Variants in MED13L observed in about 807,000 individuals in gnomAD.
MED13L encodes mediator of RNA polymerase II transcription subunit 13-like.
MED13L carries 7 observed loss-of-function variants against 220.9 expected under a neutral mutation model. The ratio of observed to expected loss-of-function variants is 0.03; its 90% CI spans 0.02 to 0.06. MED13L has a LOEUF of 0.06. Ranked by LOEUF, MED13L falls within the 10% of genes least tolerant of loss-of-function variation. The pLI is 1.00. For synonymous variants in MED13L, 1,011 were observed against 1,015.2 expected (o/e 1.00, Z 0.08); for missense variants, 1,965 against 2,760.5 (o/e 0.71, Z 6.46).
intron 2 of MED13L, among the ~76,000 whole-genome samples, chr12:116,126,028 C>T (rs1875559370): frequency 6.6e-6 from 1 of 152,086 alleles, no homozygotes; most frequent in South Asian, 2.1e-4. Context: ...TATTGGAAAG[C>T]AATAAAAGTT....
intron 4 of MED13L, among the ~76,000 whole-genome samples, chr12:116,036,547 A>G (rs1023163419): frequency 4.6e-5 from 7 of 152,226 alleles, no homozygotes; most frequent in Non-Finnish European, 1.0e-4. Flanking sequence ...GAATATTAAT[A>G]CACTCCTTTT....
intron 4 of MED13L, among the ~76,000 whole-genome samples, chr12:116,051,478 T>C (rs968772123): frequency 6.6e-6 from 1 of 152,246 alleles, no homozygotes; most frequent in African/African-American, 2.4e-5. Flanking sequence ...AAATGTTGGC[T>C]ACAGATCATA....
chr12:116,126,119 A>T (rs1875564645), intron 2 of MED13L, among the ~76,000 whole-genome samples: 1 of 152,220 alleles, frequency 6.6e-6, no homozygotes, highest in East Asian at 1.9e-4. Context: ...CCAACTCATA[A>T]GCAAAAAATT....
At chr12:116,036,489 G>A (rs934287624) in intron 4 of MED13L, among the ~76,000 whole-genome samples, 1 of 152,072 alleles carries the variant, frequency 6.6e-6, no homozygotes, top group Non-Finnish European at 1.5e-5. Flanking sequence ...TACTTCTCAC[G>A]TTGAGTTTTA....
intron 2 of MED13L, among the ~76,000 whole-genome samples, chr12:116,196,653 C>A (rs1881644092): frequency 6.6e-6 from 1 of 152,144 alleles, no homozygotes; most frequent in Admixed American, 6.5e-5. Flanking sequence ...TCAGAAGTAT[C>A]TTTTAACCTT....
At chr12:116,018,869 G>A (rs183271081) in intron 7 of MED13L, among the ~76,000 whole-genome samples, 1 of 146,232 alleles carries the variant, frequency 6.8e-6, no homozygotes, top group Admixed American at 6.9e-5. Flanking sequence ...GCTACTCTCT[G>A]ATTTAGTATT....
intron 2 of MED13L, among the ~76,000 whole-genome samples, chr12:116,119,892 A>G (rs1299192889): frequency 5.5e-5 from 8 of 144,722 alleles, no homozygotes; most frequent in Non-Finnish European, 1.1e-4. Context: ...ATAACTAAGA[A>G]GTCTTAAGAA....
Position 116,207,178 on chromosome 12 carries a change from T to C in MED13L, c.310+30290A>G, listed in dbSNP as rs1418510740. The stretch of plus-strand genomic sequence containing the variant: ...CACCTTTTTTTTTTTTGGTAAGATT[T>C]TTTACAGAGATGGGGTCTCCCCATG... On this transcript the variant is annotated intron_variant, in intron 2 of 30. Coordinates refer to ENST00000281928, the MANE Select transcript of MED13L (RefSeq NM_015335.5). Among the ~76,000 whole-genome samples the C allele has an allele frequency of 3.3e-5, 5 of 152,108 alleles. No individual in the cohort carries two copies. The East Asian group carries it at 9.7e-4, about 29-fold the overall frequency.
intron 4 of MED13L, among the ~76,000 whole-genome samples, chr12:116,088,356 A>G (rs1381031020): frequency 2.6e-5 from 4 of 152,214 alleles, no homozygotes; most frequent in African/African-American, 9.7e-5. Context: ...TCTCTGGCCA[A>G]TTCCTACACT....
rs186206823 is a variant in MED13L at position 116,250,279 on chromosome 12, A to C, written c.73-12574T>G. On this transcript the variant is annotated intron_variant, in intron 1 of 30. Coordinates refer to ENST00000281928, the MANE Select transcript of MED13L (RefSeq NM_015335.5). ...AGATCAAAGACGAATAGCCCTCAAA[A>C]ATTAAGGTAAAATACAGACTTATTT... Among the ~76,000 whole-genome samples the C allele has an allele frequency of 1.7e-4, 25 of 146,398 alleles. No homozygotes were observed. In the East Asian group the frequency reaches 4.9e-3, roughly 29 times the overall value.
chr12:116,048,345 T>C (rs1029865963), intron 4 of MED13L, among the ~76,000 whole-genome samples: 15 of 151,706 alleles, frequency 9.9e-5, no homozygotes, highest in African/African-American at 3.4e-4. Flanking sequence ...CTTAAAACTG[T>C]GGAAAAAAGA....
chr12:116,068,985 G>C (rs917969449), intron 4 of MED13L, among the ~76,000 whole-genome samples: 15 of 152,126 alleles, frequency 9.9e-5, no homozygotes, highest in African/African-American at 3.6e-4. Context: ...TCATTACCGA[G>C]TGCCATGAGA....
intron 1 of MED13L, among the ~76,000 whole-genome samples, chr12:116,271,216 T>A (rs555085649): frequency 4.7e-4 from 71 of 152,094 alleles, no homozygotes; most frequent in African/African-American, 1.7e-3. Flanking sequence ...TGTGTGTGTG[T>A]GTGTGAGTGT....
chr12:116,242,349 T>C (rs1870738584), intron 1 of MED13L, among the ~76,000 whole-genome samples: 1 of 152,160 alleles, frequency 6.6e-6, no homozygotes, highest in Non-Finnish European at 1.5e-5. Context: ...CCAGCCATAC[T>C]GTCTCAATTT....
chr12:115,996,921 G>A, intron 15 of MED13L, 89 bp downstream of exon 15: 1 of 1,346,794 alleles, frequency 7.4e-7, no homozygotes, highest in Non-Finnish European at 1.1e-6. Context: ...TGTATATATG[G>A]CACACAGACA....
chr12:116,218,503 C>T (rs968507693), intron 2 of MED13L, among the ~76,000 whole-genome samples: 4 of 152,142 alleles, frequency 2.6e-5, no homozygotes, highest in Non-Finnish European at 4.4e-5. Flanking sequence ...CAGTTCAGTA[C>T]TCTATGTACT....
At chr12:116,244,538 A>G (rs1428635846) in intron 1 of MED13L, among the ~76,000 whole-genome samples, 1 of 152,246 alleles carries the variant, frequency 6.6e-6, no homozygotes, top group Non-Finnish European at 1.5e-5. Flanking sequence ...ATGAAGAAAG[A>G]GATACAACCC....
intron 2 of MED13L, among the ~76,000 whole-genome samples, chr12:116,136,267 G>C (rs1876543442): frequency 2.0e-5 from 3 of 152,116 alleles, no homozygotes; most frequent in Admixed American, 2.0e-4. Flanking sequence ...TAAGTGCTAT[G>C]GTCCCTTCAT....
intron 4 of MED13L, among the ~76,000 whole-genome samples, chr12:116,085,820 T>C (rs1160406690): frequency 6.6e-6 from 1 of 151,402 alleles, no homozygotes; most frequent in African/African-American, 2.4e-5. Context: ...AAACATGTTA[T>C]TGATAAATTT....
Sources: gnomAD v4.1 joint callset for allele counts (sites outside exome capture counted in the v4.1 genomes callset) on GRCh38, gnomAD v4.1.1 for gene constraint, MANE v1.5 for transcripts, NCBI Gene and HGNC (gene_info 2026-07-23, HGNC 2026-07-21) for gene names.